KIRREL3: variants seen among roughly 807,000 people sequenced by gnomAD.
KIRREL3 encodes the protein kin of IRRE-like protein 3.
KIRREL3 carries 36 observed loss-of-function variants against 89.7 expected under a neutral mutation model. The ratio of observed to expected loss-of-function variants is 0.40; its 90% confidence interval spans 0.31 to 0.53. The LOEUF (loss-of-function observed/expected upper bound fraction) is 0.53. KIRREL3 is among the 20% of genes least tolerant of loss of function. The pLI is 0.49. For synonymous variants in KIRREL3, 445 were observed against 441.4 expected (o/e 1.01, Z -0.10); for missense variants, 864 against 1,056.6 (o/e 0.82, Z 2.53).
At chr11:126,517,249 C>T (rs1342437718) in intron 4 of KIRREL3, among the ~76,000 whole-genome samples, 5 of 151,810 alleles carry the variant, frequency 3.3e-5, no homozygotes, top group East Asian at 1.9e-4. Flanking sequence ...GAACCAGAAA[C>T]GTCATTCATT....
chr11:126,618,679 C>A (rs1354781187), intron 1 of KIRREL3, among the ~76,000 whole-genome samples: 2 of 152,234 alleles, frequency 1.3e-5, no homozygotes, highest in African/African-American at 4.8e-5. Flanking sequence ...AGGTGATCCA[C>A]CTGCCTTGGC....
In KIRREL3 at chr11:126,687,988, G is replaced by C. The variant is rs1013757035; in HGVS notation, c.56-125076C>G. On this transcript the variant is annotated intron_variant, in intron 1 of 16. Transcript: ENST00000525144. The surrounding 1 kb of genome is among the most constrained non-coding windows in gnomAD (Gnocchi z 4.6). ...ATTCCAGTGCCAGTTAAATTTGAGA[G>C]AGAAATCATTTTATTTACGAAAATG... Among the ~76,000 whole-genome samples, 1 of 152,240 alleles carries C rather than the reference G, an allele frequency of 6.6e-6. No individual in the cohort carries two copies. Among genetic ancestry groups the C allele is most frequent in the Non-Finnish European group, 1.5e-5 (1 of 68,046 alleles).
At chr11:126,919,146 T>C (rs1947166190) in intron 1 of KIRREL3, among the ~76,000 whole-genome samples, 1 of 152,176 alleles carries the variant, frequency 6.6e-6, no homozygotes, top group Non-Finnish European at 1.5e-5. Flanking sequence ...GCATAATTTG[T>C]AGAATTAAGG....
chr11:126,858,231 C>T (rs774001439), intron 1 of KIRREL3, among the ~76,000 whole-genome samples: 19 of 152,354 alleles, frequency 1.2e-4, no homozygotes, highest in African/African-American at 4.3e-4. Flanking sequence ...TGAAGGATGA[C>T]GCACATCCCG....
At chr11:126,873,147 A>T (rs887736164) in intron 1 of KIRREL3, among the ~76,000 whole-genome samples, 2 of 152,240 alleles carry the variant, frequency 1.3e-5, no homozygotes, top group Non-Finnish European at 2.9e-5. Flanking sequence ...TCAAAAGTAC[A>T]TATAATAATA....
rs1204885872 is a variant in KIRREL3 at position 126,771,112 on chromosome 11, C to T, written c.56-208200G>A. On this transcript the variant is annotated intron_variant, in intron 1 of 16. Transcript: ENST00000525144. The surrounding 1 kb of genome is among the most constrained non-coding windows in gnomAD (Gnocchi z 4.4). ...TTGGCATCCCAAAGTCCTGGGATTA[C>T]AGGCATGAGCCACTTCCTCTGGCCA... Among the ~76,000 whole-genome samples, 1 of 152,196 alleles carries T rather than the reference C, an allele frequency of 6.6e-6. No individual in the cohort carries two copies. The highest frequency in any genetic ancestry group is 1.5e-5 in the Non-Finnish European group (1 of 68,042).
chr11:126,620,303 TC>T lies in KIRREL3; in HGVS notation c.56-57392del, dbSNP rs558570253. ...ATTCTAGACCCATTATCTTGATCAT[TC>T]TTTATCAGCAAATCTCTTGCTTGTC... On this transcript the variant is annotated intron_variant, in intron 1 of 16. Coordinates refer to ENST00000525144, the MANE Select transcript of KIRREL3 (RefSeq NM_032531.4). This position sits in a 1 kb window ranked among gnomAD's most constrained non-coding sequence, Gnocchi z 4.8. Among the ~76,000 whole-genome samples the T allele has an allele frequency of 1.4e-4, 21 of 152,356 alleles. No individual in the cohort carries two copies. The highest frequency in any genetic ancestry group is 8.5e-4 in the Admixed American group (13 of 15,304).
At chr11:126,799,618 A>C (rs917020506) in intron 1 of KIRREL3, among the ~76,000 whole-genome samples, 1 of 152,118 alleles carries the variant, frequency 6.6e-6, no homozygotes, top group Admixed American at 6.6e-5. Flanking sequence ...TCTGCAGAAA[A>C]CTAGGGAAGA....
chr11:126,454,614 A>G lies in KIRREL3; in HGVS notation c.848+1735T>C, dbSNP rs1247581744. Among the ~76,000 whole-genome samples the G allele has an allele frequency of 6.6e-6, 1 of 152,112 alleles. No homozygotes were observed. The highest frequency in any genetic ancestry group is 1.5e-5 in the Non-Finnish European group (1 of 68,022). Reference sequence around the variant, plus strand: ...GACAGAGGAGAGAAGCTGAACTTGTATGGAGAAACCCAGGCCTGGCAGGTG... The same window carrying G: ...GACAGAGGAGAGAAGCTGAACTTGTGTGGAGAAACCCAGGCCTGGCAGGTG... On this transcript the variant is annotated intron_variant, in intron 7 of 16. Transcript: ENST00000525144. The surrounding 1 kb of genome is among the most constrained non-coding windows in gnomAD (Gnocchi z 5.8).
rs1191451952 is a variant in KIRREL3 at position 126,456,046 on chromosome 11, T to TCG, written c.848+302_848+303insCG. Among the ~76,000 whole-genome samples the TCG allele has an allele frequency of 5.4e-4, 65 of 120,546 alleles. 1 individual carries two copies. The South Asian group carries it at 0.016, about 31-fold the overall frequency. The allele number at this position is 120,546 out of a possible 152,430, so 79.1% of individuals were successfully genotyped here. A position where few individuals can be genotyped will look rare whatever the true frequency, so the allele number is the denominator to read the frequency against. ...TGGTTTTTTTTTGTTTTCGTTTTTT[T>TCG]TTTTTTTTTTTCCTGAGCCTTTTCC... On this transcript the variant is annotated intron_variant, in intron 7 of 16. Transcript: ENST00000525144.
At chr11:126,621,761 T>A (rs1217417426) in intron 1 of KIRREL3, among the ~76,000 whole-genome samples, 1 of 152,222 alleles carries the variant, frequency 6.6e-6, no homozygotes, top group Non-Finnish European at 1.5e-5. Flanking sequence ...TTGCCTCAGA[T>A]ATAACACTTT....
rs1957458714 is a variant in KIRREL3, at chr11:126,489,726, C to G, written c.434-16260G>C. Among the ~76,000 whole-genome samples, 1 of 152,134 alleles carries G rather than the reference C, an allele frequency of 6.6e-6. No homozygotes were observed. The highest frequency in any genetic ancestry group is 6.5e-5 in the Admixed American group (1 of 15,270). On this transcript the variant is annotated intron_variant, in intron 4 of 16. Transcript: ENST00000525144. The surrounding 1 kb of genome is among the most constrained non-coding windows in gnomAD (Gnocchi z 5.5). Reference sequence around the variant, plus strand: ...TTTCTCAGGGGCCCATCAGCTAGGCCTAGCAGCCCTTGGATCCTTAATCAC... The same window carrying G: ...TTTCTCAGGGGCCCATCAGCTAGGCGTAGCAGCCCTTGGATCCTTAATCAC...
rs1565558352 is a variant in KIRREL3, at chr11:126,568,921, C to A, written c.56-6009G>T. On this transcript the variant is annotated intron_variant, in intron 1 of 16. Coordinates refer to ENST00000525144, the MANE Select transcript of KIRREL3 (RefSeq NM_032531.4). This position sits in a 1 kb window ranked among gnomAD's most constrained non-coding sequence, Gnocchi z 4.6. ...ATATAATGAGCTATTAGGTTGCATA[C>A]TTCCCAGGTTAGCACGTAGCCAACA... 6.6e-6 allele frequency among the ~76,000 whole-genome samples: 1 copy of A among 151,722 alleles called. No homozygotes were observed. Among genetic ancestry groups the A allele is most frequent in the African/African-American group, 2.4e-5 (1 of 41,310 alleles).
At position 126,608,818 on chromosome 11, in the gene KIRREL3, G is replaced by A. The variant is rs2134781696; in HGVS notation, c.56-45906C>T. ...TTCCTGGGGCCTAACTGCTGGGAGT[G>A]CACTTCTGGAGTGGAGATGGGCAAT... On this transcript the variant is annotated intron_variant, in intron 1 of 16. Transcript: ENST00000525144. The surrounding 1 kb of genome is among the most constrained non-coding windows in gnomAD (Gnocchi z 4.9). 6.6e-6 allele frequency among the ~76,000 whole-genome samples: 1 copy of A among 152,300 alleles called. No homozygotes were observed. Among genetic ancestry groups the A allele is most frequent in the African/African-American group, 2.4e-5 (1 of 41,566 alleles).
intron 1 of KIRREL3, among the ~76,000 whole-genome samples, chr11:126,998,960 C>T (rs945639122): frequency 1.6e-5 from 2 of 126,252 alleles, no homozygotes; most frequent in African/African-American, 6.2e-5. Context: ...TGTGTGTGCT[C>T]ATAAGCAAGC....
chr11:126,604,529 C>G (rs140529387), intron 1 of KIRREL3, among the ~76,000 whole-genome samples: 1 of 152,208 alleles, frequency 6.6e-6, no homozygotes. Flanking sequence ...AGGACCAGGC[C>G]GTTCGCAGTT....
chr11:126,612,407 C>G lies in KIRREL3; in HGVS notation c.56-49495G>C, dbSNP rs1943169959. On this transcript the variant is annotated intron_variant, in intron 1 of 16. Coordinates refer to ENST00000525144, the MANE Select transcript of KIRREL3 (RefSeq NM_032531.4). This position sits in a 1 kb window ranked among gnomAD's most constrained non-coding sequence, Gnocchi z 4.5. The stretch of plus-strand genomic sequence containing the variant: ...TTGGATTAATTTTCTTGATCTCATA[C>G]TTGTGTTCTCTATGCATCCTATCAC... 6.6e-6 allele frequency among the ~76,000 whole-genome samples: 1 copy of G among 152,166 alleles called. No individual in the cohort carries two copies. Among genetic ancestry groups the G allele is most frequent in the Non-Finnish European group, 1.5e-5 (1 of 68,032 alleles).
At chr11:126,842,148 G>T (rs763187689) in intron 1 of KIRREL3, among the ~76,000 whole-genome samples, 1 of 152,122 alleles carries the variant, frequency 6.6e-6, no homozygotes, top group Non-Finnish European at 1.5e-5. Context: ...GAGCCTGCCT[G>T]TGAGTGGTTG....
At position 126,994,783 on chromosome 11, in the gene KIRREL3, T is replaced by C. The variant is rs1950131209; in HGVS notation, c.55+5672A>G. On this transcript the variant is annotated intron_variant, in intron 1 of 16. Coordinates refer to ENST00000525144, the MANE Select transcript of KIRREL3 (RefSeq NM_032531.4). This position sits in a 1 kb window ranked among gnomAD's most constrained non-coding sequence, Gnocchi z 5.2. ...CCCCCACCCTCTTGTGACCCTTGGC[T>C]CTATGGCACAGTGTGCTTTCTGAGA... 6.6e-6 allele frequency among the ~76,000 whole-genome samples: 1 copy of C among 152,156 alleles called. No homozygotes were observed. Among genetic ancestry groups the C allele is most frequent in the Non-Finnish European group, 1.5e-5 (1 of 68,034 alleles).
Sources: gnomAD v4.1 joint callset for allele counts (sites outside exome capture counted in the v4.1 genomes callset) on GRCh38, gnomAD v4.1.1 for gene constraint, Gnocchi (gnomAD v3.1) non-coding constraint, MANE v1.5 for transcripts, NCBI Gene and HGNC (gene_info 2026-07-23, HGNC 2026-07-21) for gene names.